Variants in CLASP1 observed in about 807,000 individuals in gnomAD.
CLASP1 encodes the protein cytoplasmic linker associated protein 1.
In CLASP1, 38 loss-of-function variants were observed where a neutral mutation model predicts 192.3. The ratio of observed to expected loss-of-function variants is 0.20; its 90% confidence interval spans 0.15 to 0.26. The LOEUF (loss-of-function observed/expected upper bound fraction) is 0.26. Ranked by LOEUF, CLASP1 falls within the 10% of genes least tolerant of loss-of-function variation. The pLI is 1.00. For synonymous variants in CLASP1, 691 were observed against 712.8 expected (o/e 0.97, Z 0.49); for missense variants, 1,433 against 1,932.5 (o/e 0.74, Z 4.85).
intron 14 of CLASP1, among the ~76,000 whole-genome samples, chr2:121,455,211 T>C (rs2086370239): frequency 6.6e-6 from 1 of 152,230 alleles, no homozygotes; most frequent in Admixed American, 6.5e-5. Context: ...ATTTCTTTTT[T>C]CGTGACTTTA....
intron 2 of CLASP1, among the ~76,000 whole-genome samples, chr2:121,571,810 T>A (rs547665785): frequency 6.6e-6 from 1 of 152,124 alleles, no homozygotes; most frequent in Non-Finnish European, 1.5e-5. Flanking sequence ...AAGCAAAGAA[T>A]GGCATGTTTA....
intron 23 of CLASP1, among the ~76,000 whole-genome samples, chr2:121,412,005 T>C (rs1484390883): frequency 3.9e-5 from 6 of 152,224 alleles, no homozygotes; most frequent in Non-Finnish European, 8.8e-5. Context: ...AGCTATATTC[T>C]GGAAGCATCT....
At chr2:121,447,315 A>G in intron 19 of CLASP1, 22 bp downstream of exon 19, 1 of 1,579,072 alleles carries the variant, frequency 6.3e-7, no homozygotes, top group South Asian at 1.2e-5. Context: ...CAGGAGGGAA[A>G]GGGTGACAGG....
intron 22 of CLASP1, among the ~76,000 whole-genome samples, chr2:121,423,630 A>G (rs1406470493): frequency 6.6e-6 from 1 of 152,234 alleles, no homozygotes; most frequent in Non-Finnish European, 1.5e-5. Context: ...TTAAAATCAA[A>G]TGCATTTTCC....
chr2:121,569,052 A>C (rs1411016014), intron 2 of CLASP1, among the ~76,000 whole-genome samples: 1 of 150,908 alleles, frequency 6.6e-6, no homozygotes, highest in Non-Finnish European at 1.5e-5. Context: ...AATTTACTCA[A>C]TAAATATTTA....
intron 19 of CLASP1, among the ~76,000 whole-genome samples, chr2:121,440,958 A>C (rs138083183): frequency 8.3e-4 from 126 of 152,332 alleles, no homozygotes; most frequent in African/African-American, 2.9e-3. Flanking sequence ...AGAGGAGCCC[A>C]AAGCCTTTGA....
At position 121,359,174 on chromosome 2, in the gene CLASP1, G is replaced by T. The variant is rs115614940; in HGVS notation, c.4206+3998C>A. On this transcript the variant is annotated intron_variant, in intron 37 of 39. Transcript: ENST00000263710. ...AATTAGTATATCAACTATTTCCTGA[G>T]AAATGGGCACTTTTGAAATGAATAA... Among the ~76,000 whole-genome samples the T allele has an allele frequency of 4.9e-3, 747 of 152,292 alleles. 9 individuals are homozygous for T. Among genetic ancestry groups the T allele is most frequent in the African/African-American group, 0.017 (724 of 41,542 alleles).
At chr2:121,607,987 G>A (rs149521393) in intron 1 of CLASP1, among the ~76,000 whole-genome samples, 1 of 152,274 alleles carries the variant, frequency 6.6e-6, no homozygotes, top group African/African-American at 2.4e-5. Context: ...AGAAGAGTGA[G>A]GGAAGGATAG....
Position 121,575,485 on chromosome 2 carries a change from A to G in CLASP1, c.195+30216T>C, listed in dbSNP as rs374191629. Among the ~76,000 whole-genome samples the G allele has an allele frequency of 7.9e-5, 12 of 152,318 alleles. 1 individual carries two copies. Among genetic ancestry groups the G allele is most frequent in the African/African-American group, 1.4e-4 (6 of 41,574 alleles). ...ATTGCTTATAAGTAAAAGCATGAAA[A>G]TGTATCAGATTCTGAAGCTCACACA... On this transcript the variant is annotated intron_variant, in intron 2 of 39. Coordinates refer to ENST00000263710, the Ensembl canonical transcript of CLASP1.
intron 2 of CLASP1, among the ~76,000 whole-genome samples, chr2:121,582,845 C>T (rs1351946538): frequency 7.3e-5 from 11 of 150,854 alleles, no homozygotes; most frequent in Non-Finnish European, 1.0e-4. Context: ...AGTACAGTGG[C>T]GCGATCTCAG....
intron 1 of CLASP1, among the ~76,000 whole-genome samples, chr2:121,625,427 ATTTTTTT>A (rs397868546): frequency 1.0e-5 from 1 of 95,750 alleles, no homozygotes; most frequent in Non-Finnish European, 1.9e-5. Flanking sequence ...TCTTTCTTTC[ATTTTTTT>A]TTTTTTTTTT....
intron 37 of CLASP1, among the ~76,000 whole-genome samples, chr2:121,353,316 C>T (rs906089625): frequency 1.3e-5 from 2 of 151,994 alleles, no homozygotes; most frequent in East Asian, 1.9e-4. Flanking sequence ...TTTGTGACCC[C>T]GAGACTCCAC....
chr2:121,487,585 C>A (rs2093057316), intron 8 of CLASP1, among the ~76,000 whole-genome samples: 1 of 152,140 alleles, frequency 6.6e-6, no homozygotes, highest in African/African-American at 2.4e-5. Context: ...ATGACCTTGA[C>A]ATGGTTAGGG....
intron 6 of CLASP1, among the ~76,000 whole-genome samples, chr2:121,521,993 G>A: frequency 6.6e-6 from 1 of 152,092 alleles, no homozygotes. Flanking sequence ...TAAAATAAAG[G>A]CAACAGCAAA....
At chr2:121,625,002 C>T (rs1250781100) in intron 1 of CLASP1, among the ~76,000 whole-genome samples, 1 of 152,152 alleles carries the variant, frequency 6.6e-6, no homozygotes, top group Non-Finnish European at 1.5e-5. Context: ...TATCTAATTT[C>T]ATTCCATTAT....
chr2:121,377,860 T>C (rs1490701092), intron 33 of CLASP1, among the ~76,000 whole-genome samples: 1 of 152,026 alleles, frequency 6.6e-6, no homozygotes, highest in Non-Finnish European at 1.5e-5. Context: ...ACACATTACA[T>C]CAGCACTCAA....
intron 8 of CLASP1, among the ~76,000 whole-genome samples, chr2:121,485,889 T>A (rs925824984): frequency 6.6e-6 from 1 of 152,130 alleles, no homozygotes; most frequent in Non-Finnish European, 1.5e-5. Context: ...AGCTCCCATC[T>A]TTATTCTCAC....
At chr2:121,398,658 T>C (rs1054899523) in intron 28 of CLASP1, among the ~76,000 whole-genome samples, 7 of 152,156 alleles carry the variant, frequency 4.6e-5, no homozygotes, top group Non-Finnish European at 1.0e-4. Flanking sequence ...GACTAAGCAA[T>C]AAACTAAGGA....
At chr2:121,504,640 A>C (rs1010610181) in intron 7 of CLASP1, among the ~76,000 whole-genome samples, 12 of 152,180 alleles carry the variant, frequency 7.9e-5, no homozygotes, top group Non-Finnish European at 1.2e-4. Context: ...TATGTGCCCA[A>C]CACCGAGCTA....
Sources: gnomAD v4.1 joint callset for allele counts (sites outside exome capture counted in the v4.1 genomes callset) on GRCh38, gnomAD v4.1.1 for gene constraint, MANE v1.5 for transcripts, NCBI Gene and HGNC (gene_info 2026-07-23, HGNC 2026-07-21) for gene names.